Variants in GLYCTK observed in about 807,000 individuals in gnomAD.
GLYCTK encodes glycerate kinase.
Under a neutral mutation model 24.8 loss-of-function variants are expected in GLYCTK, and 22 were observed. That is an observed-to-expected ratio of 0.89 (90% confidence interval 0.63 to 1.27). The LOEUF is 1.27. Among genes scored for constraint, GLYCTK ranks in the 50% most tolerant of loss-of-function variants. The pLI, the probability that GLYCTK is intolerant of heterozygous loss-of-function variation, is 0.00. For missense variants in GLYCTK, 684 were observed against 686.7 expected (o/e 1.00, Z 0.04); for synonymous variants, 320 against 297.2 (o/e 1.08, Z -0.79).
Position 52,291,008 on chromosome 3 carries a change from G to C in GLYCTK, c.426G>C (p.Ala142=). ...PHSRVQVFEG[A]EDNLPDRDAL... ...GCCGTGTCCAGGTATTCGAGGGTGC[G>C]GAGGACAACCTCCCGGACCGCGATG... Residue 142 remains alanine, a synonymous_variant, in exon 3 of 5, where the codon GCG becomes GCC. Transcript: ENST00000436784. The C allele has an allele frequency of 6.2e-7, 1 of 1,614,024 alleles. No homozygotes were observed. The highest frequency in any genetic ancestry group is 1.3e-5 in the African/African-American group (1 of 75,042).
chr3:52,293,282 C>G lies in GLYCTK; in HGVS notation c.*156C>G, dbSNP rs1559467660. 1 of 770,302 alleles carries G rather than the reference C, an allele frequency of 1.3e-6. No individual in the cohort carries two copies. 47.7% of individuals were successfully genotyped at this position (770,302 alleles called of 1,614,324 possible). A position where few individuals can be genotyped will look rare whatever the true frequency, so the allele number is the denominator to read the frequency against. On this transcript the variant is annotated 3_prime_UTR_variant, in exon 5 of 5. Coordinates refer to ENST00000436784, the MANE Select transcript of GLYCTK (RefSeq NM_145262.4). ...AACTGTCACCTTCCACTCAGGGCCT[C>G]TGCTCTATATCTATTCCCTTCCAGC...
At chr3:52,288,465 C>T (rs757124671) in intron 1 of GLYCTK, 1 of 152,446 alleles carries the variant, frequency 6.6e-6, no homozygotes. Context: ...CCGCCTCAGC[C>T]TTCCAAAGTG....
intron 1 of GLYCTK, 200 bp downstream of exon 1, chr3:52,288,076 G>T (rs1248082709): frequency 4.8e-6 from 1 of 208,382 alleles, no homozygotes; most frequent in Non-Finnish European, 1.1e-5. Context: ...AATGGTACCA[G>T]CCTTCTTTGA....
In GLYCTK at chr3:52,294,902, T is replaced by C. The variant is rs773491221; in HGVS notation, c.*1776T>C. The C allele has an allele frequency of 2.2e-4, 101 of 453,736 alleles. No homozygotes were observed. Among genetic ancestry groups the C allele is most frequent in the Non-Finnish European group, 3.8e-4 (87 of 226,744 alleles). The allele number at this position is 453,736 out of a possible 1,614,324, so 28.1% of individuals were successfully genotyped here. A position where few individuals can be genotyped will look rare whatever the true frequency, so the allele number is the denominator to read the frequency against. The stretch of plus-strand genomic sequence containing the variant: ...GACGTTGGTGTTGGCGTACTCAGAG[T>C]GGGAATGCATCTCTGAGTGTACACA... On this transcript the variant is annotated 3_prime_UTR_variant, in exon 5 of 5. Transcript: ENST00000436784.
At chr3:52,288,427 C>T (rs1051472936) in intron 1 of GLYCTK, among the ~76,000 whole-genome samples, 8 of 151,670 alleles carry the variant, frequency 5.3e-5, no homozygotes, top group Non-Finnish European at 1.0e-4. Context: ...TCAGGCTGGT[C>T]TCGAACTCCT....
rs770897160 is a variant in GLYCTK, at chr3:52,292,364, C to T, written c.810C>T (p.Ile270=). The T allele has an allele frequency of 2.5e-5, 40 of 1,613,916 alleles. No homozygotes were observed. Among genetic ancestry groups the T allele is most frequent in the Non-Finnish European group, 3.3e-5 (39 of 1,180,026 alleles). ...SSHNVQDCLH[I]LNRYGLRAAL... is the part of the protein sequence containing the mutation. ...ACAATGTGCAAGATTGCCTGCATAT[C>T]CTCAATCGCTACGGCCTCCGTGCAG... Residue 270 remains isoleucine (I), a synonymous_variant, in exon 5 of 5, where the codon ATC becomes ATT. Coordinates refer to ENST00000436784, the MANE Select transcript of GLYCTK (RefSeq NM_145262.4).
Position 52,287,877 on chromosome 3 carries a change from G to A in GLYCTK, c.-40+1G>A. ...GCACCGCGGCCGGAGCTGTGGGCTG[G>A]TAAGTCTGCGCCGCCAGGGCTCGCA... On this transcript the variant is annotated splice_donor_variant, in intron 1 of 4. Transcript: ENST00000436784. LOFTEE classifies it low-confidence loss of function (5UTR_SPLICE). The A allele has an allele frequency of 2.2e-6, 1 of 450,848 alleles. No individual in the cohort carries two copies. Among genetic ancestry groups the A allele is most frequent in the South Asian group, 1.6e-5 (1 of 64,352 alleles). The allele number at this position is 450,848 out of a possible 1,614,324, so 27.9% of individuals were successfully genotyped here.
intron 1 of GLYCTK, among the ~76,000 whole-genome samples, chr3:52,289,736 G>T (rs1360803671): frequency 6.6e-6 from 1 of 152,222 alleles, no homozygotes; most frequent in Non-Finnish European, 1.5e-5. Flanking sequence ...TAAACCTGCA[G>T]CCTCCTATAG....
chr3:52,293,730 G>T lies in GLYCTK; in HGVS notation c.*604G>T, dbSNP rs1224641607. 2.2e-6 allele frequency: 1 copy of T among 453,888 alleles called. No individual in the cohort carries two copies. The highest frequency in any genetic ancestry group is 4.4e-6 in the Non-Finnish European group (1 of 226,724). The allele number at this position is 453,888 out of a possible 1,614,324, so 28.1% of individuals were successfully genotyped here. A position where few individuals can be genotyped will look rare whatever the true frequency, so the allele number is the denominator to read the frequency against. On this transcript the variant is annotated 3_prime_UTR_variant, in exon 5 of 5. Coordinates refer to ENST00000436784, the MANE Select transcript of GLYCTK (RefSeq NM_145262.4). ...CCCAGGGAGGACAGGCCTAAAGACT[G>T]CAGTCTGGGGTGACCAGCCACCCAC...
At chr3:52,290,746 CTCTA>C (rs764323801) in intron 2 of GLYCTK, 27 bp downstream of exon 2, 18 of 1,604,966 alleles carry the variant, frequency 1.1e-5, no homozygotes, top group East Asian at 2.2e-5. Context: ...GCCTGCCTCC[CTCTA>C]TCTATCTGGA....
rs1430505653 is a variant in GLYCTK at position 52,292,368 on chromosome 3, A to G, written c.814A>G (p.Asn272Asp). 4 of 1,613,880 alleles carry G rather than the reference A, an allele frequency of 2.5e-6. No homozygotes were observed. The highest frequency in any genetic ancestry group is 3.4e-6 in the Non-Finnish European group (4 of 1,180,006). ...TGTGCAAGATTGCCTGCATATCCTC[A>G]ATCGCTACGGCCTCCGTGCAGCCCT... ...HNVQDCLHIL[N>D]RYGLRAALPR... The change falls in exon 5 of 5, where the codon AAT (asparagine) becomes GAT (aspartate). Residue 272 changes from asparagine (N) to aspartate (D), a missense_variant. Asn to Asp is a conservative substitution (Grantham distance 23). Transcript: ENST00000436784.
chr3:52,291,455 ATGGAGTCCTCTCCT>A (rs963641809), intron 3 of GLYCTK: 8 of 578,836 alleles, frequency 1.4e-5, no homozygotes, highest in African/African-American at 1.1e-4. Flanking sequence ...CTCAGACCTC[ATGGAGTCCTCTCCT>A]TGATCTTCCA....
chr3:52,292,677 C>T lies in GLYCTK; in HGVS notation c.1123C>T (p.His375Tyr), dbSNP rs1250069746. 6.2e-7 allele frequency: 1 copy of T among 1,606,362 alleles called. No individual in the cohort carries two copies. The highest frequency in any genetic ancestry group is 1.7e-5 in the Admixed American group (1 of 59,730). The change falls in exon 5 of 5, where the codon CAT becomes TAT. Residue 375 changes from histidine to tyrosine, a missense_variant. Physicochemically the swap from His to Tyr is moderately conservative, Grantham distance 83 (BLOSUM62 2). Transcript: ENST00000436784. The stretch of plus-strand genomic sequence containing the variant: ...TTCTGTGGAGGAAGATGCACAGCTC[C>T]ATGAGCTGGCAGCTGAGCTTCAGAT... ...GASVEEDAQL[H>Y]ELAAELQIPD...
chr3:52,290,658 G>A lies in GLYCTK; in HGVS notation c.316G>A (p.Val106Met), dbSNP rs1273785027. 6.2e-7 allele frequency: 1 copy of A among 1,613,744 alleles called. No homozygotes were observed. The highest frequency in any genetic ancestry group is 1.1e-5 in the South Asian group (1 of 91,084). The change falls in exon 2 of 5, where the codon GTG (valine) becomes ATG (methionine). Residue 106 changes from valine (V) to methionine (M), a missense_variant. Val to Met is a conservative substitution (Grantham distance 21). Coordinates refer to ENST00000436784, the MANE Select transcript of GLYCTK (RefSeq NM_145262.4). Reference sequence around the variant, plus strand: ...TGAGGAACTACTGGGCCAGCATCTTGTGCAGGGCGTGATCAGCGTTCCCAA... The same window carrying A: ...TGAGGAACTACTGGGCCAGCATCTTATGCAGGGCGTGATCAGCGTTCCCAA... ...AAEELLGQHL[V>M]QGVISVPKGI...
intron 3 of GLYCTK, 198 bp downstream of exon 3, chr3:52,291,309 C>T (rs1265732933): frequency 7.9e-6 from 5 of 635,866 alleles, no homozygotes; most frequent in Non-Finnish European, 1.4e-5. Context: ...GAGTCCTCCC[C>T]CTGAGCTGAC....
rs747441708 is a variant in GLYCTK, at chr3:52,291,940, C to T, written c.705+18C>T. 1.9e-6 allele frequency: 3 copies of T among 1,607,930 alleles called. No individual in the cohort carries two copies. Among genetic ancestry groups the T allele is most frequent in the Non-Finnish European group, 2.6e-6 (3 of 1,176,342 alleles). On this transcript the variant is annotated intron_variant, in intron 4 of 4. Transcript: ENST00000436784. Reference sequence around the variant, plus strand: ...CTGCCCAGGTATGAGTCCCTTCTTCCCCAGGCAACCTTGGGTTGGTGGAGC... The same window carrying T: ...CTGCCCAGGTATGAGTCCCTTCTTCTCCAGGCAACCTTGGGTTGGTGGAGC...
rs1173850909 is a variant in GLYCTK at position 52,291,001 on chromosome 3, A to G, written c.419A>G (p.Glu140Gly). 6.2e-7 allele frequency: 1 copy of G among 1,613,996 alleles called. No homozygotes were observed. Among genetic ancestry groups the G allele is most frequent in the Non-Finnish European group, 8.5e-7 (1 of 1,180,010 alleles). Residue 140 changes from glutamate (E) to glycine (G), a missense_variant, in exon 3 of 5, where the codon GAG becomes GGG. Physicochemically the swap from Glu to Gly is moderately conservative, Grantham distance 98. Transcript: ENST00000436784. ...CCACATAGCCGTGTCCAGGTATTCGAGGGTGCGGAGGACAACCTCCCGGAC... is the reference window on the plus strand; with the variant it reads ...CCACATAGCCGTGTCCAGGTATTCGGGGGTGCGGAGGACAACCTCCCGGAC... Reference protein sequence around the residue: ...LKPHSRVQVFEGAEDNLPDRD... With the variant: ...LKPHSRVQVFGGAEDNLPDRD...
rs751088590 is a variant in GLYCTK, at chr3:52,292,876, C to T, written c.1322C>T (p.Pro441Leu). The change falls in exon 5 of 5, where the codon CCG becomes CTG. Residue 441 changes from proline to leucine, a missense_variant. Physicochemically the swap from Pro to Leu is moderately conservative, Grantham distance 98 (BLOSUM62 -3). Transcript: ENST00000436784. ...GAELRRWPLG[P>L]IDVLFLSGGT... is the part of the protein sequence containing the mutation. ...GAGTTGAGAAGGTGGCCGCTGGGGC[C>T]GATAGATGTGCTGTTTTTGAGCGGT... is the stretch of plus-strand genomic sequence containing the variant. 8 of 1,613,872 alleles carry T rather than the reference C, an allele frequency of 5.0e-6. No homozygotes were observed. Among genetic ancestry groups the T allele is most frequent in the East Asian group, 2.2e-5 (1 of 44,884 alleles).
At position 52,290,585 on chromosome 3, in the gene GLYCTK, C is replaced by G. The variant is rs1700431681; in HGVS notation, c.243C>G (p.Leu81=). 6.2e-7 allele frequency: 1 copy of G among 1,613,822 alleles called. No homozygotes were observed. Residue 81 remains leucine (L), a synonymous_variant, in exon 2 of 5, where the codon CTC becomes CTG. Transcript: ENST00000436784. The stretch of plus-strand genomic sequence containing the variant: ...GGAACTTTCAGCTGAGGCAAAACCT[C>G]TACCTGGTGGGCTTTGGCAAGGCTG... ...RDRNFQLRQN[L]YLVGFGKAVL...
Sources: gnomAD v4.1 joint callset for allele counts (sites outside exome capture counted in the v4.1 genomes callset) on GRCh38, gnomAD v4.1.1 for gene constraint, MANE v1.5 for transcripts, NCBI Gene and HGNC (gene_info 2026-07-23, HGNC 2026-07-21) for gene names.